CSMD1: variants seen among roughly 807,000 people sequenced by gnomAD.
The protein encoded by CSMD1 is CUB and sushi domain-containing protein 1.
Under a neutral mutation model 417.5 loss-of-function variants are expected in CSMD1, and 213 were observed. That is an observed-to-expected ratio of 0.51 (90% CI 0.46 to 0.57). The LOEUF is 0.57. Ranked by LOEUF, CSMD1 falls within the 20% of genes least tolerant of loss-of-function variation. The pLI is 0.00. For synonymous variants in CSMD1, 2,862 were observed against 1,736.8 expected, an observed-to-expected ratio of 1.65 and a Z score of -16.11; for missense variants, 6,923 against 4,529.7, an observed-to-expected ratio of 1.53 and a Z score of -15.17.
At chr8:3,410,609 C>G (rs1470570097) in intron 12 of CSMD1, among the ~76,000 whole-genome samples, 1 of 152,198 alleles carries the variant, frequency 6.6e-6, no homozygotes, top group Admixed American at 6.5e-5. Flanking sequence ...TGTGAGGCCT[C>G]TCCAGCCATG....
intron 3 of CSMD1, among the ~76,000 whole-genome samples, chr8:4,408,762 G>C (rs927509589): frequency 5.9e-5 from 9 of 152,068 alleles, no homozygotes; most frequent in Non-Finnish European, 1.3e-4. Flanking sequence ...GTGCAGGTGA[G>C]GCCATCAGCT....
At chr8:4,360,482 T>A (rs1456874594) in intron 3 of CSMD1, among the ~76,000 whole-genome samples, 7 of 152,202 alleles carry the variant, frequency 4.6e-5, no homozygotes. Context: ...TTCTTGCACA[T>A]ACTTCCTGTT....
intron 1 of CSMD1, among the ~76,000 whole-genome samples, chr8:4,671,738 T>C (rs933774303): frequency 6.6e-6 from 1 of 152,168 alleles, no homozygotes; most frequent in East Asian, 1.9e-4. Context: ...TGTGTGTGTG[T>C]GTGCTTGTGT....
chr8:3,425,309 G>C (rs140121117), intron 12 of CSMD1, among the ~76,000 whole-genome samples: 1 of 152,280 alleles, frequency 6.6e-6, no homozygotes, highest in African/African-American at 2.4e-5. Flanking sequence ...CCCTGTCCCA[G>C]CTGGGCAAGG....
intron 69 of CSMD1, among the ~76,000 whole-genome samples, chr8:2,941,028 A>G (rs1801835295): frequency 6.6e-6 from 1 of 152,194 alleles, no homozygotes; most frequent in South Asian, 2.1e-4. Context: ...ATCTTTCTAC[A>G]TTTACTAAAT....
At position 3,411,011 on chromosome 8, in the gene CSMD1, G is replaced by A. The variant is rs144377765; in HGVS notation, c.1562-1406C>T. ...AGGAGATGTGATCCCAGTGTGCCGG[G>A]CAGGGCAGTGAGGGACAAATGGGCA... On this transcript the variant is annotated intron_variant, in intron 12 of 69. Transcript: ENST00000635120. Among the ~76,000 whole-genome samples, 364 of 152,304 alleles carry A rather than the reference G, an allele frequency of 2.4e-3. 8 individuals are homozygous for A. Among genetic ancestry groups the A allele is most frequent in the Non-Finnish European group, 5.9e-4 (40 of 68,034 alleles).
chr8:3,242,444 A>G (rs187343185), intron 26 of CSMD1, among the ~76,000 whole-genome samples: 59 of 152,218 alleles, frequency 3.9e-4, no homozygotes, highest in Admixed American at 1.6e-3. Flanking sequence ...ACTGATGTGT[A>G]AAAGAATGCC....
intron 3 of CSMD1, among the ~76,000 whole-genome samples, chr8:4,298,646 T>A (rs148809923): frequency 5.3e-5 from 8 of 152,252 alleles, no homozygotes; most frequent in African/African-American, 9.6e-5. Context: ...ACAATTTAGT[T>A]TTAATACAGT....
In CSMD1 at chr8:2,962,585, C is replaced by A; in HGVS notation, c.9509G>T (p.Ser3170Ile). The A allele has an allele frequency of 1.2e-6, 2 of 1,613,904 alleles. No individual in the cohort carries two copies. The highest frequency in any genetic ancestry group is 8.5e-7 in the Non-Finnish European group (1 of 1,179,848). ...IPAEGRLSGK[S>I]FTYKSEVFFQ... ...GAAGACTTCGGACTTATAGGTGAAA[C>A]TTTTCCCACTAAGTCGCCCTTCTGC... Residue 3170 changes from serine (S) to isoleucine (I), a missense_variant, in exon 61 of 70, where the codon AGT becomes ATT. By Grantham distance (142) the Ser-to-Ile change is moderately radical. Transcript: ENST00000635120.
At chr8:3,328,301 A>C (rs1226249244) in intron 23 of CSMD1, among the ~76,000 whole-genome samples, 1 of 152,160 alleles carries the variant, frequency 6.6e-6, no homozygotes, top group Non-Finnish European at 1.5e-5. Flanking sequence ...GGCGCTTCTC[A>C]CTGGAGCTCT....
chr8:3,258,367 G>T (rs1800811148), intron 26 of CSMD1, among the ~76,000 whole-genome samples: 1 of 152,154 alleles, frequency 6.6e-6, no homozygotes, highest in Admixed American at 6.5e-5. Flanking sequence ...GATCGTTAGA[G>T]AAATGCAAAT....
chr8:3,805,825 T>A (rs772652666), intron 5 of CSMD1, among the ~76,000 whole-genome samples: 3 of 152,172 alleles, frequency 2.0e-5, no homozygotes, highest in Non-Finnish European at 2.9e-5. Flanking sequence ...ATTCAAGCCT[T>A]TTCAACTTCC....
At chr8:3,574,049 TTGCAAACTATGTA>T (rs1800047494) in intron 10 of CSMD1, among the ~76,000 whole-genome samples, 1 of 152,180 alleles carries the variant, frequency 6.6e-6, no homozygotes, top group African/African-American at 2.4e-5. Context: ...AGTAACATAA[TTGCAAACTATGTA>T]TGCAAACTTA....
intron 12 of CSMD1, among the ~76,000 whole-genome samples, chr8:3,415,417 G>C (rs1392769510): frequency 6.6e-6 from 1 of 152,176 alleles, no homozygotes; most frequent in Non-Finnish European, 1.5e-5. Context: ...GAGTGCAGTG[G>C]CACGATCTCA....
intron 26 of CSMD1, among the ~76,000 whole-genome samples, chr8:3,251,547 GCT>G (rs1386181251): frequency 6.6e-6 from 1 of 152,100 alleles, no homozygotes; most frequent in African/African-American, 2.4e-5. Context: ...GGCGATGCGG[GCT>G]CTTTTTTGGT....
At chr8:3,424,248 A>G (rs111314887) in intron 12 of CSMD1, among the ~76,000 whole-genome samples, 102 of 152,306 alleles carry the variant, frequency 6.7e-4, no homozygotes, top group African/African-American at 2.3e-3. Context: ...ACCATGATTC[A>G]ATTAGAGTTT....
chr8:3,842,449 G>T (rs1403901689), intron 5 of CSMD1, among the ~76,000 whole-genome samples: 1 of 152,104 alleles, frequency 6.6e-6, no homozygotes, highest in Non-Finnish European at 1.5e-5. Context: ...GATGTTAAAT[G>T]ATTTTATTCT....
At chr8:4,371,986 T>C (rs887771524) in intron 3 of CSMD1, among the ~76,000 whole-genome samples, 4 of 152,222 alleles carry the variant, frequency 2.6e-5, no homozygotes, top group Admixed American at 1.3e-4. Flanking sequence ...GGAAATGTTA[T>C]GACTGAAGAC....
chr8:4,482,859 G>GT (rs1267946297), intron 2 of CSMD1, among the ~76,000 whole-genome samples: 1 of 152,010 alleles, frequency 6.6e-6, no homozygotes, highest in Non-Finnish European at 1.5e-5. Flanking sequence ...TGCTATTTAT[G>GT]TTTTTTTAAG....
Sources: allele counts gnomAD v4.1 joint callset (sites outside exome capture counted in the v4.1 genomes callset), GRCh38; gene constraint gnomAD v4.1.1; transcripts MANE v1.5; gene names NCBI Gene and HGNC (gene_info 2026-07-23, HGNC 2026-07-21).